Variants in BRAF observed in about 807,000 individuals in gnomAD.
BRAF encodes the protein B-Raf proto-oncogene, serine/threonine kinase.
Under a neutral mutation model 104.6 loss-of-function variants are expected in BRAF, and 16 were observed. That is an observed-to-expected ratio of 0.15 (90% confidence interval 0.10 to 0.23). BRAF has a LOEUF of 0.23. Ranked by LOEUF, BRAF falls within the 10% of genes least tolerant of loss-of-function variation. The pLI, the probability that BRAF is intolerant of heterozygous loss-of-function variation, is 1.00. For missense variants in BRAF, 541 were observed against 937.3 expected, an observed-to-expected ratio of 0.58 and a Z score of 5.52; for synonymous variants, 310 against 341.6, an observed-to-expected ratio of 0.91 and a Z score of 1.02.
chr7:140,924,736 C>T lies in BRAF; in HGVS notation c.-33G>A. On this transcript the variant is annotated 5_prime_UTR_variant, in exon 1 of 20. Coordinates refer to ENST00000644969, the MANE Select transcript of BRAF (RefSeq NM_001374258.1). This position sits in a 1 kb window ranked among gnomAD's most constrained non-coding sequence, Gnocchi z 4.2. ...CCGAGAGCCGGGGCCCGAGCGGCCG[C>T]TGTCGGGCGGGGAGGGGGAAGGGAG... 1 of 781,066 alleles carries T rather than the reference C, an allele frequency of 1.3e-6. No individual in the cohort carries two copies. The highest frequency in any genetic ancestry group is 2.1e-6 in the Non-Finnish European group (1 of 484,944). 48.4% of individuals were successfully genotyped at this position (781,066 alleles called of 1,614,324 possible).
intron 1 of BRAF, among the ~76,000 whole-genome samples, chr7:140,899,537 C>T (rs1815361184): frequency 6.6e-6 from 1 of 152,102 alleles, no homozygotes; most frequent in African/African-American, 2.4e-5. Flanking sequence ...TCATTTCTGC[C>T]AATCTATATG....
At chr7:140,859,890 T>C (rs1000708522) in intron 1 of BRAF, among the ~76,000 whole-genome samples, 7 of 152,162 alleles carry the variant, frequency 4.6e-5, no homozygotes, top group Non-Finnish European at 1.0e-4. Context: ...GATTTCACCA[T>C]ATTGGCCAGG....
intron 19 of BRAF, among the ~76,000 whole-genome samples, chr7:140,729,222 CCT>C (rs371754211): frequency 7.4e-4 from 113 of 151,768 alleles, no homozygotes; most frequent in Non-Finnish European, 1.2e-3. Flanking sequence ...GTAACGAAAC[CCT>C]GTCTCGAAAA....
chr7:140,801,343 G>C, intron 6 of BRAF, 69 bp downstream of exon 6: 2 of 1,555,544 alleles, frequency 1.3e-6, no homozygotes, highest in South Asian at 2.3e-5. Context: ...TTTAGACATC[G>C]TAGCTTCACA....
intron 7 of BRAF, 148 bp downstream of exon 7, chr7:140,800,214 G>A (rs1802941427): frequency 8.1e-7 from 1 of 1,241,456 alleles, no homozygotes; most frequent in Non-Finnish European, 1.2e-6. Flanking sequence ...TCAAATGCAT[G>A]TAAATATCTG....
chr7:140,902,091 G>A (rs923988597), intron 1 of BRAF, among the ~76,000 whole-genome samples: 3 of 152,180 alleles, frequency 2.0e-5, no homozygotes, highest in African/African-American at 7.2e-5. Flanking sequence ...GTTTTTGTTT[G>A]TTTTTTACAA....
intron 17 of BRAF, among the ~76,000 whole-genome samples, chr7:140,746,588 T>C (rs1485138412): frequency 1.3e-5 from 2 of 152,110 alleles, no homozygotes; most frequent in African/African-American, 2.4e-5. Flanking sequence ...CCCAGCACTT[T>C]GGCAGGCTGA....
rs189904536 is a variant in BRAF at position 140,826,319 on chromosome 7, C to T, written c.504+8290G>A. ...CCTAGAGATAACTGTTTCTTTTGAACTTTCTACATTTCTTTTTTTCTATGT... is the reference window on the plus strand; with the variant it reads ...CCTAGAGATAACTGTTTCTTTTGAATTTTCTACATTTCTTTTTTTCTATGT... On this transcript the variant is annotated intron_variant, in intron 3 of 19. Coordinates refer to ENST00000644969, the MANE Select transcript of BRAF (RefSeq NM_001374258.1). 3.9e-4 allele frequency among the ~76,000 whole-genome samples: 60 copies of T among 152,264 alleles called. 1 individual carries two copies. Among genetic ancestry groups the T allele is most frequent in the African/African-American group, 1.1e-3 (44 of 41,568 alleles).
chr7:140,730,371 C>A (rs1795871001), intron 19 of BRAF, among the ~76,000 whole-genome samples: 1 of 151,750 alleles, frequency 6.6e-6, no homozygotes, highest in African/African-American at 2.4e-5. Flanking sequence ...TAAGCTGCAT[C>A]TTCTGTTTCT....
In BRAF at chr7:140,751,016, T is replaced by C. The variant is rs148123442; in HGVS notation, c.1981-1598A>G. Reference sequence around the variant, plus strand: ...CACACAGCCTTAGTTATGACCAAACTCTTCTCTCCTATGATACGGATGTTC... The same window carrying C: ...CACACAGCCTTAGTTATGACCAAACCCTTCTCTCCTATGATACGGATGTTC... On this transcript the variant is annotated intron_variant, in intron 16 of 19. Transcript: ENST00000644969. Among the ~76,000 whole-genome samples the C allele has an allele frequency of 5.4e-4, 82 of 152,296 alleles. 1 individual carries two copies. Among genetic ancestry groups the C allele is most frequent in the African/African-American group, 1.5e-3 (63 of 41,550 alleles).
At chr7:140,883,118 A>T (rs982082709) in intron 1 of BRAF, among the ~76,000 whole-genome samples, 3 of 152,162 alleles carry the variant, frequency 2.0e-5, no homozygotes, top group African/African-American at 7.2e-5. Context: ...TATGAATACC[A>T]AAACAGTTGA....
intron 6 of BRAF, among the ~76,000 whole-genome samples, chr7:140,800,694 G>A (rs1341023232): frequency 6.6e-6 from 1 of 152,134 alleles, no homozygotes; most frequent in Non-Finnish European, 1.5e-5. Context: ...TAATCATTCA[G>A]TTCAGCAAAT....
At chr7:140,864,901 G>T (rs1334375102) in intron 1 of BRAF, among the ~76,000 whole-genome samples, 1 of 152,100 alleles carries the variant, frequency 6.6e-6, no homozygotes, top group Non-Finnish European at 1.5e-5. Context: ...AGACTGTCGG[G>T]AATGGTCTTC....
chr7:140,847,665 A>C (rs1163350877), intron 2 of BRAF, among the ~76,000 whole-genome samples: 1 of 152,214 alleles, frequency 6.6e-6, no homozygotes. Flanking sequence ...TAGAATTCTT[A>C]ATATTTGAAT....
chr7:140,733,935 A>G, intron 19 of BRAF: 1 of 902,678 alleles, frequency 1.1e-6, no homozygotes, highest in Non-Finnish European at 1.3e-6. Flanking sequence ...TTCCCGCTAA[A>G]AATCCGAAGT....
At chr7:140,870,085 T>A (rs953074329) in intron 1 of BRAF, among the ~76,000 whole-genome samples, 4 of 152,164 alleles carry the variant, frequency 2.6e-5, no homozygotes, top group African/African-American at 9.7e-5. Flanking sequence ...GTGGTGAACA[T>A]GTAAATAGAG....
At chr7:140,851,068 A>G (rs1036931736) in intron 1 of BRAF, among the ~76,000 whole-genome samples, 2 of 152,308 alleles carry the variant, frequency 1.3e-5, no homozygotes, top group Admixed American at 6.5e-5. Flanking sequence ...TATTTTATCA[A>G]TGAAACAAAT....
intron 2 of BRAF, among the ~76,000 whole-genome samples, chr7:140,846,004 G>A (rs574102098): frequency 2.9e-4 from 44 of 152,112 alleles, no homozygotes; most frequent in African/African-American, 9.6e-4. Context: ...TTAATCAACC[G>A]AAAATAATAA....
At chr7:140,831,156 T>G (rs2129059984) in intron 3 of BRAF, among the ~76,000 whole-genome samples, 1 of 152,316 alleles carries the variant, frequency 6.6e-6, no homozygotes, top group African/African-American at 2.4e-5. Context: ...TGCAGACAAT[T>G]GGGTGGAGAA....
Sources: gnomAD v4.1 joint callset for allele counts (sites outside exome capture counted in the v4.1 genomes callset) on GRCh38, gnomAD v4.1.1 for gene constraint, Gnocchi (gnomAD v3.1) non-coding constraint, MANE v1.5 for transcripts, NCBI Gene and HGNC (gene_info 2026-07-23, HGNC 2026-07-21) for gene names.